The following CNBD1 variants were observed in gnomAD, a reference collection of about 807,000 sequenced individuals.
CNBD1 encodes cyclic nucleotide-binding domain-containing protein 1.
CNBD1 carries 71 observed loss-of-function variants against 54.4 expected under a neutral mutation model. The ratio of observed to expected loss-of-function variants is 1.30; its 90% confidence interval spans 1.08 to 1.59. The LOEUF is 1.59. Ranked by LOEUF, CNBD1 falls within the 40% of genes most tolerant of loss-of-function variation. CNBD1 has a pLI of 0.00. For missense variants in CNBD1, 659 were observed against 518.0 expected, an observed-to-expected ratio of 1.27 and a Z score of -2.64; for synonymous variants, 182 against 170.7, an observed-to-expected ratio of 1.07 and a Z score of -0.51.
chr8:87,335,087 G>A (rs1027703224), intron 8 of CNBD1, among the ~76,000 whole-genome samples: 1 of 152,114 alleles, frequency 6.6e-6, no homozygotes, highest in Non-Finnish European at 1.5e-5. Flanking sequence ...TATGATTTCA[G>A]TTCTTTTGCA....
At chr8:87,303,239 C>T (rs1809053049) in intron 8 of CNBD1, among the ~76,000 whole-genome samples, 3 of 151,124 alleles carry the variant, frequency 2.0e-5, no homozygotes. Context: ...TCAAACTATA[C>T]TACAAGGCTA....
intron 10 of CNBD1, among the ~76,000 whole-genome samples, chr8:87,376,923 C>G (rs1458097025): frequency 6.6e-6 from 1 of 151,242 alleles, no homozygotes; most frequent in East Asian, 1.9e-4. Context: ...CTTGAGGACA[C>G]ATGTCTAACC....
chr8:87,190,887 G>GATATAGGTACAGGTACC (rs1563501596), intron 4 of CNBD1, among the ~76,000 whole-genome samples: 3 of 124,902 alleles, frequency 2.4e-5, no homozygotes. Context: ...ATACATGTAC[G>GATATAGGTACAGGTACC]TATATCTATT....
intron 2 of CNBD1, among the ~76,000 whole-genome samples, chr8:87,404,501 C>A (rs1481229954): frequency 6.6e-6 from 1 of 152,062 alleles, no homozygotes; most frequent in Admixed American, 6.6e-5. Flanking sequence ...GTGTCGAAAT[C>A]ATTTGCAAGG....
At chr8:87,242,287 C>T (rs1204326308) in intron 6 of CNBD1, among the ~76,000 whole-genome samples, 1 of 152,082 alleles carries the variant, frequency 6.6e-6, no homozygotes, top group Non-Finnish European at 1.5e-5. Flanking sequence ...CCTTCCCTTT[C>T]CAGGTCTTTT....
chr8:86,969,163 T>C lies in CNBD1; in HGVS notation c.431+29409T>C, dbSNP rs1586170496. On this transcript the variant is annotated intron_variant, in intron 4 of 10. Transcript: ENST00000518476. The stretch of plus-strand genomic sequence containing the variant: ...CACAACTTATTTACTGTTTTTTTTC[T>C]CTGCATTTTCTCATTTTCTTTTAAA... 5.9e-5 allele frequency among the ~76,000 whole-genome samples: 9 copies of C among 152,344 alleles called. No individual in the cohort carries two copies. In the South Asian group the frequency reaches 1.9e-3, roughly 32 times the overall value.
chr8:87,262,012 G>A (rs1380612620), intron 6 of CNBD1, among the ~76,000 whole-genome samples: 1 of 151,486 alleles, frequency 6.6e-6, no homozygotes, highest in Non-Finnish European at 1.5e-5. Flanking sequence ...AAATTAGCCT[G>A]ACGTGGTGGT....
At chr8:87,388,540 G>T (rs1811239169) in intron 2 of CNBD1, among the ~76,000 whole-genome samples, 1 of 152,100 alleles carries the variant, frequency 6.6e-6, no homozygotes, top group African/African-American at 2.4e-5. Context: ...ACACTCCCAA[G>T]ACTAAACCAG....
At chr8:87,330,226 T>G (rs2878844) in intron 8 of CNBD1, among the ~76,000 whole-genome samples, 7,639 of 117,360 alleles carry the variant, frequency 0.065, 240 homozygotes, top group African/African-American at 0.085. Flanking sequence ...TTGTGTTCCT[T>G]CTCTCTTTTT....
chr8:87,207,921 C>A (rs1245048203), intron 5 of CNBD1, among the ~76,000 whole-genome samples: 1 of 152,192 alleles, frequency 6.6e-6, no homozygotes, highest in Non-Finnish European at 1.5e-5. Flanking sequence ...GTTCCGACAG[C>A]TCAGATCTGT....
intron 9 of CNBD1, among the ~76,000 whole-genome samples, chr8:87,352,478 C>CAAAAAAAAAAAAAAAAAAAAA (rs386413278): frequency 7.4e-5 from 8 of 107,464 alleles, no homozygotes; most frequent in African/African-American, 3.1e-4. Flanking sequence ...GACTCTGTCT[C>CAAAAAAAAAAAAAAAAAAAAA]AAAAAAAAAA....
Position 87,071,001 on chromosome 8 carries a change from A to G in CNBD1, c.431+131247A>G, listed in dbSNP as rs1422232347. The stretch of plus-strand genomic sequence containing the variant: ...CTCATTTGAATATTTATTCTCTTCA[A>G]TTGTTGATTAGTTAATTATTCTTTG... On this transcript the variant is annotated intron_variant, in intron 4 of 10. Coordinates refer to ENST00000518476, the MANE Select transcript of CNBD1 (RefSeq NM_173538.3). Among the ~76,000 whole-genome samples, 11 of 152,094 alleles carry G rather than the reference A, an allele frequency of 7.2e-5. No homozygotes were observed. The East Asian group carries it at 9.6e-4, about 13-fold the overall frequency.
At chr8:87,378,354 T>A (rs1280933817) in intron 10 of CNBD1, among the ~76,000 whole-genome samples, 1 of 148,948 alleles carries the variant, frequency 6.7e-6, no homozygotes, top group Admixed American at 6.7e-5. Flanking sequence ...AGGGATCCAG[T>A]TTCAGCTTTC....
At chr8:87,138,555 G>A (rs1425886696) in intron 4 of CNBD1, among the ~76,000 whole-genome samples, 3 of 152,310 alleles carry the variant, frequency 2.0e-5, no homozygotes, top group Admixed American at 6.5e-5. Context: ...CTGCTGTTTA[G>A]TGGAAATAGT....
At chr8:87,129,200 T>C (rs1812066757) in intron 4 of CNBD1, among the ~76,000 whole-genome samples, 1 of 151,858 alleles carries the variant, frequency 6.6e-6, no homozygotes, top group Non-Finnish European at 1.5e-5. Flanking sequence ...TTGAAAATAT[T>C]CCCTCCTTTT....
intron 4 of CNBD1, among the ~76,000 whole-genome samples, chr8:87,000,280 C>G (rs1264850997): frequency 6.6e-6 from 1 of 152,132 alleles, no homozygotes; most frequent in African/African-American, 2.4e-5. Context: ...TGTACACTCT[C>G]TGTAGGCTGT....
chr8:87,418,755 T>TA (rs1807877458), intron 2 of CNBD1, among the ~76,000 whole-genome samples: 1 of 151,986 alleles, frequency 6.6e-6, no homozygotes, highest in Non-Finnish European at 1.5e-5. Context: ...AACATTGTGA[T>TA]ACCACTTTAC....
intron 4 of CNBD1, among the ~76,000 whole-genome samples, chr8:87,133,698 A>G (rs1166935212): frequency 7.1e-6 from 1 of 139,954 alleles, no homozygotes; most frequent in Non-Finnish European, 1.5e-5. Context: ...TTTTAAAGTA[A>G]AAAAAAAAAA....
intron 4 of CNBD1, among the ~76,000 whole-genome samples, chr8:87,160,674 C>T (rs1490181118): frequency 6.6e-6 from 1 of 151,968 alleles, no homozygotes; most frequent in Non-Finnish European, 1.5e-5. Context: ...ATCTGTAATC[C>T]TATCTGCATG....
Sources: gnomAD v4.1 joint callset for allele counts (sites outside exome capture counted in the v4.1 genomes callset) on GRCh38, gnomAD v4.1.1 for gene constraint, MANE v1.5 for transcripts, NCBI Gene and HGNC (gene_info 2026-07-23, HGNC 2026-07-21) for gene names.